Variants in MAGI2 observed in about 807,000 individuals in gnomAD.
The protein encoded by MAGI2 is membrane-associated guanylate kinase, WW and PDZ domain-containing protein 2.
In MAGI2, 35 loss-of-function variants were observed where a neutral mutation model predicts 133.3. That is an observed-to-expected ratio of 0.26 (90% CI 0.20 to 0.35). The LOEUF is 0.35. Among genes scored for constraint, MAGI2 ranks in the 10% least tolerant of loss-of-function variants. The probability of loss-of-function intolerance (pLI) is 1.00; values close to 1 mark genes in which losing one functional copy is unlikely to be tolerated. For synonymous variants in MAGI2, 729 were observed against 710.6 expected (o/e 1.03, Z -0.41); for missense variants, 1,636 against 1,863.4 (o/e 0.88, Z 2.25).
intron 2 of MAGI2, among the ~76,000 whole-genome samples, chr7:78,995,305 G>T (rs1336852814): frequency 6.6e-6 from 1 of 152,084 alleles, no homozygotes; most frequent in Non-Finnish European, 1.5e-5. Flanking sequence ...AGATAATGTA[G>T]ATTCCTTTGT....
chr7:78,914,367 A>T (rs557211368), intron 2 of MAGI2, among the ~76,000 whole-genome samples: 7 of 152,330 alleles, frequency 4.6e-5, no homozygotes, highest in African/African-American at 1.7e-4. Context: ...AAGACTAAAA[A>T]TTCAATTAAT....
chr7:78,732,438 T>A (rs528710346), intron 2 of MAGI2, among the ~76,000 whole-genome samples: 2 of 152,268 alleles, frequency 1.3e-5, no homozygotes, highest in South Asian at 4.1e-4. Flanking sequence ...ATGGGTCTCC[T>A]CATCTCATCT....
At chr7:78,279,007 T>C (rs1231513031) in intron 9 of MAGI2, among the ~76,000 whole-genome samples, 1 of 152,140 alleles carries the variant, frequency 6.6e-6, no homozygotes, top group Non-Finnish European at 1.5e-5. Context: ...ATGAAGATGA[T>C]GGTGATGGTT....
Position 78,565,633 on chromosome 7 carries a change from G to A in MAGI2, c.539-43988C>T, listed in dbSNP as rs574655989. Among the ~76,000 whole-genome samples the A allele has an allele frequency of 2.1e-4, 32 of 151,790 alleles. 1 individual carries two copies. In the South Asian group the frequency reaches 4.2e-3, roughly 20 times the overall value. ...AGATTAAATAAAACATTTGCTTTTC[G>A]TTTTCTTGTCATAGACAACACAGCC... On this transcript the variant is annotated intron_variant, in intron 3 of 21. Transcript: ENST00000354212.
chr7:79,236,749 AAAAC>A (rs1202831377), intron 1 of MAGI2, among the ~76,000 whole-genome samples: 1 of 152,402 alleles, frequency 6.6e-6, no homozygotes, highest in East Asian at 1.9e-4. Flanking sequence ...CAAAAAAAGA[AAAAC>A]AAACACTTAA....
intron 6 of MAGI2, among the ~76,000 whole-genome samples, chr7:78,439,640 C>A (rs1047858296): frequency 2.0e-5 from 3 of 152,136 alleles, no homozygotes; most frequent in Non-Finnish European, 2.9e-5. Context: ...AAAATTAAAG[C>A]ATACTTTATG....
At chr7:79,142,547 T>C (rs1466220659) in intron 1 of MAGI2, among the ~76,000 whole-genome samples, 1 of 152,160 alleles carries the variant, frequency 6.6e-6, no homozygotes, top group Non-Finnish European at 1.5e-5. Context: ...ACATGGAGAA[T>C]GTTTTGCTGT....
At chr7:78,538,772 A>G (rs902850749) in intron 3 of MAGI2, among the ~76,000 whole-genome samples, 1 of 152,168 alleles carries the variant, frequency 6.6e-6, no homozygotes, top group African/African-American at 2.4e-5. Context: ...TAGGTATTCA[A>G]TCATATCATT....
At chr7:78,888,421 A>C (rs986165898) in intron 2 of MAGI2, among the ~76,000 whole-genome samples, 6 of 152,232 alleles carry the variant, frequency 3.9e-5, no homozygotes, top group African/African-American at 4.8e-5. Context: ...GAGAATGGAC[A>C]GACTGCCTCC....
At chr7:78,307,384 C>G (rs961246036) in intron 9 of MAGI2, among the ~76,000 whole-genome samples, 1 of 152,244 alleles carries the variant, frequency 6.6e-6, no homozygotes, top group Middle Eastern at 3.4e-3. Context: ...TTTTACTGTT[C>G]TCTGGATACT....
At chr7:78,227,617 G>C (rs944533135) in intron 10 of MAGI2, among the ~76,000 whole-genome samples, 3 of 152,152 alleles carry the variant, frequency 2.0e-5, no homozygotes, top group Admixed American at 2.0e-4. Context: ...TAGACTTTAA[G>C]TATATTTCTC....
rs183715747 is a variant in MAGI2, at chr7:78,548,064, C to T, written c.539-26419G>A. ...TGGTAACCTATCAACTTCCTAACCC[C>T]TTTCTCAAGCTCATCGATTTTGCCT... On this transcript the variant is annotated intron_variant, in intron 3 of 21. Coordinates refer to ENST00000354212, the MANE Select transcript of MAGI2 (RefSeq NM_012301.4). Among the ~76,000 whole-genome samples, 69 of 152,224 alleles carry T rather than the reference C, an allele frequency of 4.5e-4. 1 individual carries two copies. The highest frequency in any genetic ancestry group is 3.5e-4 in the Non-Finnish European group (24 of 67,988).
At chr7:79,211,893 C>G (rs41423348) in intron 1 of MAGI2, among the ~76,000 whole-genome samples, 3,932 of 151,950 alleles carry the variant, frequency 0.026, 86 homozygotes, top group East Asian at 0.04. Context: ...TTTAAGCCAG[C>G]TACTTGGTCA....
At chr7:78,478,149 C>T (rs1791979186) in intron 6 of MAGI2, among the ~76,000 whole-genome samples, 8 of 151,692 alleles carry the variant, frequency 5.3e-5, no homozygotes. Context: ...GTTCAACTCC[C>T]ACTTATGAGT....
chr7:78,518,864 G>A (rs1796257461), intron 4 of MAGI2: 1 of 152,126 alleles, frequency 6.6e-6, no homozygotes, highest in Non-Finnish European at 1.5e-5. Context: ...CTCCCAAGAA[G>A]CTGGGACTAC....
At chr7:79,399,095 C>CTTTTTCTT (rs1554471828) in intron 1 of MAGI2, among the ~76,000 whole-genome samples, 7 of 106,300 alleles carry the variant, frequency 6.6e-5, no homozygotes, top group African/African-American at 2.8e-4. Flanking sequence ...TTTTTCTTTT[C>CTTTTTCTT]TTTTTTTTTT....
intron 1 of MAGI2, among the ~76,000 whole-genome samples, chr7:79,343,665 C>T (rs575725669): frequency 2.6e-5 from 4 of 152,164 alleles, no homozygotes; most frequent in Admixed American, 6.5e-5. Flanking sequence ...GTAATTTCCC[C>T]GATTCTGCTC....
chr7:79,227,380 G>C (rs2129553907), intron 1 of MAGI2, among the ~76,000 whole-genome samples: 1 of 152,240 alleles, frequency 6.6e-6, no homozygotes, highest in African/African-American at 2.4e-5. Flanking sequence ...ACATTTAATG[G>C]TACAATACAA....
At chr7:79,186,191 A>AATATATATATATATATATATATATAT (rs60719172) in intron 1 of MAGI2, among the ~76,000 whole-genome samples, 2 of 111,860 alleles carry the variant, frequency 1.8e-5, no homozygotes, top group Non-Finnish European at 3.2e-5. Flanking sequence ...TGCCTGGGAA[A>AATATATATATATATATATATATATAT]ATATATATAT....
Sources: allele counts gnomAD v4.1 joint callset (sites outside exome capture counted in the v4.1 genomes callset), GRCh38; gene constraint gnomAD v4.1.1; transcripts MANE v1.5; gene names NCBI Gene and HGNC (gene_info 2026-07-23, HGNC 2026-07-21).